USH2A: variants seen among roughly 807,000 people sequenced by gnomAD.
USH2A encodes Usher syndrome 2A (autosomal recessive, mild).
USH2A carries 443 observed loss-of-function variants against 538.9 expected under a neutral mutation model. That is an observed-to-expected ratio of 0.82 (90% CI 0.76 to 0.89). The LOEUF (loss-of-function observed/expected upper bound fraction) is 0.89. USH2A is among the 40% of genes least tolerant of loss of function. The pLI, the probability that USH2A is intolerant of heterozygous loss-of-function variation, is 0.00. For synonymous variants in USH2A, 2,413 were observed against 2,273.5 expected, an observed-to-expected ratio of 1.06 and a Z score of -1.75; for missense variants, 6,633 against 6,324.8, an observed-to-expected ratio of 1.05 and a Z score of -1.65.
In USH2A at chr1:215,670,982, T is replaced by C. The variant is rs771143573; in HGVS notation, c.14123A>G (p.Tyr4708Cys). 1 of 1,614,144 alleles carries C rather than the reference T, an allele frequency of 6.2e-7. No homozygotes were observed. The highest frequency in any genetic ancestry group is 8.5e-7 in the Non-Finnish European group (1 of 1,179,974). The change falls in exon 64 of 72, where the codon TAT becomes TGT. Residue 4708 changes from tyrosine (Y) to cysteine (C), a missense_variant. Physicochemically the swap from Tyr to Cys is radical, Grantham distance 194 (BLOSUM62 -2). Transcript: ENST00000307340. ...ATACACATTTCTTACCTGATACTCA[T>C]ACTCTGTGAAAGGCAATAGTTCGGA... is the stretch of plus-strand genomic sequence containing the variant. Reference protein sequence around the residue: ...IDSELLPFTEYEYQVWAVNSA... With the variant: ...IDSELLPFTECEYQVWAVNSA...
In USH2A at chr1:215,625,820, C is replaced by CAA; in HGVS notation, c.15569_15570insTT (p.Thr5191Ter). 1 of 1,614,116 alleles carries CAA rather than the reference C, an allele frequency of 6.2e-7. No homozygotes were observed. The highest frequency in any genetic ancestry group is 8.5e-7 in the Non-Finnish European group (1 of 1,180,006). The stretch of plus-strand genomic sequence containing the variant: ...CTGTGAATGTGGTGCGTTCCTTAGT[C>CAA]ACTGAGCTGAAATCCTTGATGGCGT... On this transcript the variant is annotated frameshift_variant, in exon 72 of 72. Coordinates refer to ENST00000307340, the MANE Select transcript of USH2A (RefSeq NM_206933.4). LOFTEE classifies it high-confidence loss of function.
At chr1:216,149,300 A>T (rs1378562555) in intron 21 of USH2A, among the ~76,000 whole-genome samples, 1 of 152,124 alleles carries the variant, frequency 6.6e-6, no homozygotes, top group African/African-American at 2.4e-5. Flanking sequence ...TCTGTCAGAC[A>T]TAATTCCCCG....
rs1558048641 is a variant in USH2A, at chr1:215,675,060, G to A, written c.12851C>T (p.Ser4284Phe). 1 of 1,614,162 alleles carries A rather than the reference G, an allele frequency of 6.2e-7. No homozygotes were observed. Among genetic ancestry groups the A allele is most frequent in the Non-Finnish European group, 8.5e-7 (1 of 1,180,022 alleles). The change falls in exon 63 of 72, where the codon TCC becomes TTC. Residue 4284 changes from serine (S) to phenylalanine (F), a missense_variant. By Grantham distance (155) the Ser-to-Phe change is radical. Transcript: ENST00000307340. The stretch of plus-strand genomic sequence containing the variant: ...ATTAGACTGTTCTGGTGGGATCCAG[G>A]AAATCAGCAGTTTTTGGGGATTCAT... ...VSMNPQKLLI[S>F]WIPPEQSNGI...
At chr1:216,265,595 C>T (rs922287886) in intron 11 of USH2A, among the ~76,000 whole-genome samples, 145 of 151,266 alleles carry the variant, frequency 9.6e-4, no homozygotes, top group African/African-American at 3.4e-3. Flanking sequence ...ATAGAATCAA[C>T]CTAAGTGCTC....
intron 63 of USH2A, among the ~76,000 whole-genome samples, chr1:215,672,979 G>A (rs1657874544): frequency 6.6e-6 from 1 of 152,176 alleles, no homozygotes; most frequent in Non-Finnish European, 1.5e-5. Flanking sequence ...GGAGCAAATT[G>A]ATATGGTTTT....
intron 4 of USH2A, among the ~76,000 whole-genome samples, chr1:216,362,029 CT>C (rs1373537356): frequency 2.0e-5 from 3 of 152,050 alleles, no homozygotes; most frequent in African/African-American, 4.8e-5. Flanking sequence ...TATTCTACGA[CT>C]TTTTTTAAAT....
rs2102464492 is a variant in USH2A, at chr1:216,198,591, A to G, written c.3812-7T>C. On this transcript the variant is annotated splice_region_variant and splice_polypyrimidine_tract_variant and intron_variant, in intron 17 of 71. Transcript: ENST00000307340. ...TCATATCTTATAATTATTCCTAGAG[A>G]AATTAAATAGTGAACCTACGTAACT... is the stretch of plus-strand genomic sequence containing the variant. 1.9e-6 allele frequency: 3 copies of G among 1,611,050 alleles called. No individual in the cohort carries two copies. In the South Asian group the frequency reaches 3.3e-5, roughly 18 times the overall value.
intron 14 of USH2A, among the ~76,000 whole-genome samples, chr1:216,225,545 G>C (rs2035543332): frequency 6.6e-6 from 1 of 152,108 alleles, no homozygotes; most frequent in Non-Finnish European, 1.5e-5. Context: ...GCCATGGGAA[G>C]CTTTATTCTT....
intron 14 of USH2A, among the ~76,000 whole-genome samples, chr1:216,219,108 A>G (rs1014828571): frequency 3.3e-5 from 5 of 152,088 alleles, no homozygotes; most frequent in African/African-American, 1.2e-4. Context: ...CACTTATTTT[A>G]CATACAGTAC....
intron 60 of USH2A, 113 bp downstream of exon 60, chr1:215,741,261 CA>C: frequency 7.8e-7 from 1 of 1,278,956 alleles, no homozygotes; most frequent in East Asian, 2.4e-5. Flanking sequence ...AAAAAAAACA[CA>C]ACATGAATTC....
intron 9 of USH2A, among the ~76,000 whole-genome samples, chr1:216,311,623 G>A (rs1251159733): frequency 6.6e-6 from 1 of 152,158 alleles, no homozygotes; most frequent in East Asian, 1.9e-4. Flanking sequence ...TTTCTGTGCC[G>A]CCATTTTGGA....
chr1:215,729,693 CA>C (rs1260595191), intron 60 of USH2A, among the ~76,000 whole-genome samples: 1 of 152,170 alleles, frequency 6.6e-6, no homozygotes, highest in Non-Finnish European at 1.5e-5. Flanking sequence ...TGCATTGATG[CA>C]ATCATGGCTA....
chr1:216,285,779 T>G (rs975557192), intron 11 of USH2A, among the ~76,000 whole-genome samples: 4 of 152,250 alleles, frequency 2.6e-5, no homozygotes, highest in Non-Finnish European at 5.9e-5. Context: ...TGCATCAGCA[T>G]GCCCTGGATG....
chr1:215,820,088 A>G (rs752507390), intron 47 of USH2A, among the ~76,000 whole-genome samples: 2 of 151,822 alleles, frequency 1.3e-5, no homozygotes, highest in Admixed American at 1.3e-4. Context: ...GCACTCATGC[A>G]TAAACATAAA....
chr1:216,329,809 C>T (rs574051789), intron 4 of USH2A, among the ~76,000 whole-genome samples: 4 of 152,154 alleles, frequency 2.6e-5, no homozygotes, highest in Admixed American at 1.3e-4. Flanking sequence ...GGAGAAGCCA[C>T]CCAGTTTGCA....
At chr1:216,160,739 G>A (rs1343940911) in intron 21 of USH2A, among the ~76,000 whole-genome samples, 1 of 151,978 alleles carries the variant, frequency 6.6e-6, no homozygotes, top group African/African-American at 2.4e-5. Flanking sequence ...CTTATAAAAT[G>A]TCACATGTTT....
At chr1:215,966,527 T>C (rs1256830502) in intron 36 of USH2A, among the ~76,000 whole-genome samples, 1 of 152,192 alleles carries the variant, frequency 6.6e-6, no homozygotes, top group African/African-American at 2.4e-5. Flanking sequence ...TGATTATACC[T>C]TATCAATTAT....
intron 61 of USH2A, among the ~76,000 whole-genome samples, chr1:215,680,964 C>A (rs1317034620): frequency 1.3e-5 from 2 of 152,054 alleles, no homozygotes; most frequent in South Asian, 2.1e-4. Flanking sequence ...TGTACAAACA[C>A]CCTTAGAGAA....
At chr1:216,333,987 A>T (rs1479223017) in intron 4 of USH2A, among the ~76,000 whole-genome samples, 5 of 152,072 alleles carry the variant, frequency 3.3e-5, no homozygotes, top group Non-Finnish European at 7.4e-5. Flanking sequence ...ATATGATAGG[A>T]TATTAGAGAG....
Sources: gnomAD v4.1 joint callset for allele counts (sites outside exome capture counted in the v4.1 genomes callset) on GRCh38, gnomAD v4.1.1 for gene constraint, MANE v1.5 for transcripts, NCBI Gene and HGNC (gene_info 2026-07-23, HGNC 2026-07-21) for gene names.